The following KCTD1 variants were observed in gnomAD, a reference collection of about 807,000 sequenced individuals.
The protein encoded by KCTD1 is BTB/POZ domain-containing protein KCTD1.
In KCTD1, 24 loss-of-function variants were observed where a neutral mutation model predicts 66.0. The ratio of observed to expected loss-of-function variants is 0.36; its 90% CI spans 0.26 to 0.51. KCTD1 has a LOEUF of 0.51. Ranked by LOEUF, KCTD1 falls within the 20% of genes least tolerant of loss-of-function variation. The probability of loss-of-function intolerance (pLI) is 0.95; values close to 1 mark genes in which losing one functional copy is unlikely to be tolerated. For missense variants in KCTD1, 943 were observed against 1,205.2 expected, an observed-to-expected ratio of 0.78 and a Z score of 3.22; for synonymous variants, 511 against 517.2, an observed-to-expected ratio of 0.99 and a Z score of 0.16.
chr18:26,642,304 G>GTCCAC (rs999595768), upstream of KCTD1, among the ~76,000 whole-genome samples: 4 of 152,172 alleles, frequency 2.6e-5, no homozygotes, highest in Non-Finnish European at 4.4e-5. Flanking sequence ...GATGCAAAAT[G>GTCCAC]TCCACTTGGG....
At chr18:26,620,340 G>A (rs1987346123) in intron 1 of KCTD1, among the ~76,000 whole-genome samples, 1 of 96,808 alleles carries the variant, frequency 1.0e-5, no homozygotes, top group Non-Finnish European at 1.8e-5. Context: ...TTTGCTGAAG[G>A]TAAATCTTAA....
At chr18:26,560,029 T>C (rs903705242) in intron 1 of KCTD1, among the ~76,000 whole-genome samples, 2 of 152,220 alleles carry the variant, frequency 1.3e-5, no homozygotes, top group African/African-American at 4.8e-5. Flanking sequence ...TTACATTACA[T>C]GTGATTCTCA....
intron 1 of KCTD1, 146 bp from the exon 2 acceptor site, chr18:26,501,396 T>A (rs1205823325): frequency 1.5e-6 from 1 of 674,042 alleles, no homozygotes; most frequent in Non-Finnish European, 2.4e-6. Flanking sequence ...GCTTTTGTTA[T>A]AATGAATATC....
At chr18:26,527,257 C>G (rs1019230160) in intron 1 of KCTD1, among the ~76,000 whole-genome samples, 1 of 152,040 alleles carries the variant, frequency 6.6e-6, no homozygotes, top group African/African-American at 2.4e-5. Context: ...CTACAGAGAG[C>G]TTTAAAAGGG....
rs78155959 is a variant in KCTD1 at position 26,655,448 on chromosome 18, A to T, written c.9+1912T>A. Among the ~76,000 whole-genome samples, 631 of 152,062 alleles carry T rather than the reference A, an allele frequency of 4.1e-3. 5 individuals are homozygous for T. Among genetic ancestry groups the T allele is most frequent in the African/African-American group, 0.015 (612 of 41,484 alleles). The stretch of plus-strand genomic sequence containing the variant: ...TACCACTCAGGATACACACACACAC[A>T]CACAGACACACACACGCACACATAC... On this transcript the variant is annotated intron_variant, in intron 1 of 4. Transcript: ENST00000580191.
intron 1 of KCTD1, among the ~76,000 whole-genome samples, chr18:26,636,449 C>A (rs747713097): frequency 6.6e-6 from 1 of 152,190 alleles, no homozygotes; most frequent in Non-Finnish European, 1.5e-5. Context: ...TTTCTAGGTC[C>A]TTCCCTGCTG....
intron 1 of KCTD1, among the ~76,000 whole-genome samples, chr18:26,593,356 A>AAGAGGG (rs1469994688): frequency 7.1e-6 from 1 of 139,930 alleles, no homozygotes; most frequent in Non-Finnish European, 1.6e-5. Flanking sequence ...GAGGAGGAGG[A>AAGAGGG]GGAAGAGGAG....
chr18:26,593,076 C>T (rs1391632530), intron 1 of KCTD1, among the ~76,000 whole-genome samples: 4 of 152,178 alleles, frequency 2.6e-5, no homozygotes, highest in Non-Finnish European at 5.9e-5. Context: ...TCCAGTCTCT[C>T]GTCCCCCTCT....
At chr18:26,582,349 A>G (rs1332566329) in intron 1 of KCTD1, among the ~76,000 whole-genome samples, 1 of 152,160 alleles carries the variant, frequency 6.6e-6, no homozygotes, top group Non-Finnish European at 1.5e-5. Flanking sequence ...AAGCCTATTT[A>G]AACATGACCA....
chr18:26,592,843 G>A (rs546117297), intron 1 of KCTD1, among the ~76,000 whole-genome samples: 1 of 152,252 alleles, frequency 6.6e-6, no homozygotes, highest in South Asian at 2.1e-4. Context: ...TTAAAAGTTG[G>A]CTCTGCCACT....
intron 1 of KCTD1, among the ~76,000 whole-genome samples, chr18:26,513,367 G>A (rs991705770): frequency 1.3e-5 from 2 of 152,038 alleles, no homozygotes; most frequent in South Asian, 2.1e-4. Flanking sequence ...GATTACAGGC[G>A]TGAGCCACCG....
At chr18:26,467,548 G>C (rs1172079434) in intron 3 of KCTD1, among the ~76,000 whole-genome samples, 1 of 150,940 alleles carries the variant, frequency 6.6e-6, no homozygotes, top group Admixed American at 6.6e-5. Context: ...GGGCACAATG[G>C]CTCATGCCTG....
chr18:26,589,062 A>T (rs1172499483), intron 1 of KCTD1, among the ~76,000 whole-genome samples: 1 of 152,180 alleles, frequency 6.6e-6, no homozygotes, highest in Non-Finnish European at 1.5e-5. Context: ...TCTCCTAGGC[A>T]TATGTGTAGG....
intron 1 of KCTD1, among the ~76,000 whole-genome samples, chr18:26,648,873 A>G (rs1987977018): frequency 6.6e-6 from 1 of 152,190 alleles, no homozygotes; most frequent in Non-Finnish European, 1.5e-5. Context: ...GATGCCAGTA[A>G]TATCACCCTC....
chr18:26,470,510 G>A (rs991618575), intron 3 of KCTD1, among the ~76,000 whole-genome samples: 6 of 152,246 alleles, frequency 3.9e-5, no homozygotes, highest in African/African-American at 1.2e-4. Context: ...AGGCCAGAAC[G>A]TCAACACTGA....
At chr18:26,600,757 G>A (rs1986875720) in intron 1 of KCTD1, among the ~76,000 whole-genome samples, 2 of 151,716 alleles carry the variant, frequency 1.3e-5, no homozygotes, top group South Asian at 2.1e-4. Flanking sequence ...TTTCAGAGTT[G>A]ATAGTTTACT....
chr18:26,527,053 C>T (rs1984197580), intron 1 of KCTD1, among the ~76,000 whole-genome samples: 1 of 152,106 alleles, frequency 6.6e-6, no homozygotes, highest in Non-Finnish European at 1.5e-5. Flanking sequence ...TGCCCTCTGC[C>T]TGGGACATTA....
At chr18:26,508,057 T>G (rs1394974881) in intron 1 of KCTD1, among the ~76,000 whole-genome samples, 1 of 152,242 alleles carries the variant, frequency 6.6e-6, no homozygotes, top group African/African-American at 2.4e-5. Context: ...CTTAAATTTC[T>G]GTGAAATAAC....
At position 26,548,460 on chromosome 18, in the gene KCTD1, TCGGCGG is replaced by T. The variant is rs921777962; in HGVS notation, c.71_76del (p.Ala24_Ala25del). The T allele has an allele frequency of 2.5e-5, 32 of 1,269,544 alleles. No homozygotes were observed. Among genetic ancestry groups the T allele is most frequent in the Non-Finnish European group, 3.0e-5 (30 of 1,015,808 alleles). The allele number at this position is 1,269,544 out of a possible 1,614,324, so 78.6% of individuals were successfully genotyped here. A position where few individuals can be genotyped will look rare whatever the true frequency, so the allele number is the denominator to read the frequency against. ...GCCCTCGCCCCGCTCCCCATTGTTC[TCGGCGG>T]CGGCGGCGGCAGCGCTGGCGCTGCC... On this transcript the variant is annotated inframe_deletion, in exon 1 of 5. Coordinates refer to ENST00000580059, the MANE Select transcript of KCTD1 (RefSeq NM_001142730.3).
Sources: gnomAD v4.1 joint callset for allele counts (sites outside exome capture counted in the v4.1 genomes callset) on GRCh38, gnomAD v4.1.1 for gene constraint, MANE v1.5 for transcripts, NCBI Gene and HGNC (gene_info 2026-07-23, HGNC 2026-07-21) for gene names.